Variants in KIF20B observed in about 807,000 individuals in gnomAD.
The protein encoded by KIF20B is kinesin family member 20B, also known as kinesin-like protein KIF20B.
In KIF20B, 188 loss-of-function variants were observed where a neutral mutation model predicts 232.5. The ratio of observed to expected loss-of-function variants is 0.81; its 90% confidence interval spans 0.72 to 0.91. The LOEUF (loss-of-function observed/expected upper bound fraction) is 0.91. Ranked by LOEUF, KIF20B falls within the 40% of genes least tolerant of loss-of-function variation. KIF20B has a pLI of 0.00. For missense variants in KIF20B, 2,154 were observed against 2,055.9 expected (o/e 1.05, Z -0.92); for synonymous variants, 712 against 683.0 (o/e 1.04, Z -0.66).
rs759563026 is a variant in KIF20B, at chr10:89,724,001, T to G, written c.1760T>G (p.Leu587Arg). Residue 587 changes from leucine (L) to arginine (R), a missense_variant, in exon 14 of 33, where the codon CTG becomes CGG. Coordinates refer to ENST00000371728, the MANE Select transcript of KIF20B (RefSeq NM_001284259.2). ...TTAATAGAAGACTTGAAAAAAAAAC[T>G]GATAAATGAAAAAAAGGAAAAATTA... ...LDLIEDLKKKLINEKKEKLTL... is the reference protein window; with the variant it reads ...LDLIEDLKKKRINEKKEKLTL... The G allele has an allele frequency of 1.1e-5, 17 of 1,575,902 alleles. No homozygotes were observed. The highest frequency in any genetic ancestry group is 2.0e-5 in the Admixed American group (1 of 51,194).
chr10:89,713,632 T>C (rs1842878262), intron 6 of KIF20B, among the ~76,000 whole-genome samples: 1 of 152,150 alleles, frequency 6.6e-6, no homozygotes, highest in Admixed American at 6.5e-5. Flanking sequence ...GAAGAAAATA[T>C]GTAAAGATGT....
intron 26 of KIF20B, among the ~76,000 whole-genome samples, chr10:89,756,985 A>G (rs566801157): frequency 1.5e-4 from 23 of 149,466 alleles, no homozygotes; most frequent in African/African-American, 5.4e-4. Context: ...AAACATTTTT[A>G]TACATTTGTT....
chr10:89,714,207 G>GC, intron 7 of KIF20B, 124 bp downstream of exon 7: 1 of 423,378 alleles, frequency 2.4e-6, no homozygotes, highest in East Asian at 4.3e-5. Context: ...TAGGCTGGGC[G>GC]CGGTGGCTCA....
At position 89,738,572 on chromosome 10, in the gene KIF20B, A is replaced by C. The variant is rs373556748; in HGVS notation, c.3731A>C (p.Gln1244Pro). ...NNLQDMKHLL[Q>P]LKEEEEETNR... is the part of the protein sequence containing the mutation. ...TTGCAAGATATGAAACATTTACTTC[A>C]ATTAAAAGAAGAAGAAGAAGAAACC... is the stretch of plus-strand genomic sequence containing the variant. Residue 1244 changes from glutamine (Q) to proline (P), a missense_variant, in exon 20 of 33, where the codon CAA becomes CCA. Gln to Pro is a moderately conservative substitution (Grantham distance 76, BLOSUM62 -1). Transcript: ENST00000371728. 29 of 1,565,436 alleles carry C rather than the reference A, an allele frequency of 1.9e-5. No homozygotes were observed. The highest frequency in any genetic ancestry group is 2.3e-5 in the Non-Finnish European group (27 of 1,160,894).
rs1468125976 is a variant in KIF20B at position 89,710,043 on chromosome 10, A to G, written c.468A>G (p.Ser156=). 6.8e-6 allele frequency: 11 copies of G among 1,607,628 alleles called. No homozygotes were observed. The highest frequency in any genetic ancestry group is 6.7e-5 in the East Asian group (3 of 44,696). Residue 156 remains serine, a synonymous_variant, in exon 5 of 33, where the codon TCA becomes TCG. Transcript: ENST00000371728. ...RLIFTYGLTN[S]GKTYTFQGTE... ...TTTTTACTTACGGGCTAACCAATTCAGGAAAAACATATACATTTCAAGGTA... is the reference window on the plus strand; with the variant it reads ...TTTTTACTTACGGGCTAACCAATTCGGGAAAAACATATACATTTCAAGGTA...
chr10:89,739,660 C>T (rs921798561), intron 21 of KIF20B, among the ~76,000 whole-genome samples: 1 of 139,738 alleles, frequency 7.2e-6, no homozygotes. Flanking sequence ...GATTGGAGCA[C>T]TTTTTTTTTT....
At chr10:89,766,862 ATTT>A (rs1380224899) in intron 29 of KIF20B, among the ~76,000 whole-genome samples, 1 of 151,674 alleles carries the variant, frequency 6.6e-6, no homozygotes, top group Non-Finnish European at 1.5e-5. Flanking sequence ...TATTTATTTA[ATTT>A]TTTAAAATAA....
In KIF20B at chr10:89,726,334, T is replaced by C; in HGVS notation, c.2043T>C (p.Ser681=). Reference sequence around the variant, plus strand: ...TAGGATTTGAAGATATTATTGATTCTCTTCAAGATAATGTTGCTGATATTA... The same window carrying C: ...TAGGATTTGAAGATATTATTGATTCCCTTCAAGATAATGTTGCTGATATTA... ...NYVGFEDIID[S]LQDNVADIKK... is the part of the protein sequence containing the mutation. The change falls in exon 16 of 33, where the codon TCT becomes TCC. Residue 681 remains serine (S), a synonymous_variant. Coordinates refer to ENST00000371728, the MANE Select transcript of KIF20B (RefSeq NM_001284259.2). 6.4e-7 allele frequency: 1 copy of C among 1,550,832 alleles called. No individual in the cohort carries two copies. Among genetic ancestry groups the C allele is most frequent in the Non-Finnish European group, 8.7e-7 (1 of 1,146,768 alleles).
chr10:89,727,064 G>A (rs923812187), intron 16 of KIF20B, among the ~76,000 whole-genome samples: 3 of 151,656 alleles, frequency 2.0e-5, no homozygotes, highest in Non-Finnish European at 2.9e-5. Context: ...TGCCTGCCTC[G>A]GCCTCCCAAA....
chr10:89,771,096 C>T (rs1182226128), intron 31 of KIF20B, among the ~76,000 whole-genome samples: 1 of 151,774 alleles, frequency 6.6e-6, no homozygotes, highest in Non-Finnish European at 1.5e-5. Flanking sequence ...TGGAACACAC[C>T]CTGGCTTTTG....
intron 31 of KIF20B, among the ~76,000 whole-genome samples, chr10:89,770,804 C>T (rs1437443850): frequency 6.6e-6 from 1 of 152,072 alleles, no homozygotes; most frequent in East Asian, 1.9e-4. Flanking sequence ...TCACTGGTCT[C>T]CCAGCTTGCC....
intron 24 of KIF20B, among the ~76,000 whole-genome samples, chr10:89,751,977 G>C (rs761936796): frequency 6.6e-6 from 1 of 151,904 alleles, no homozygotes; most frequent in Non-Finnish European, 1.5e-5. Context: ...ATATAACCTT[G>C]GCAGGGTACT....
At chr10:89,769,000 G>A in intron 31 of KIF20B, 112 bp downstream of exon 31, 1 of 856,302 alleles carries the variant, frequency 1.2e-6, no homozygotes, top group Non-Finnish European at 1.8e-6. Flanking sequence ...ACTTCAAATA[G>A]GCATTGTCCT....
chr10:89,713,919 A>G (rs890185690), intron 6 of KIF20B, 128 bp from the exon 7 acceptor site: 2 of 389,272 alleles, frequency 5.1e-6, no homozygotes, highest in South Asian at 1.3e-4. Context: ...AAATTAAAGA[A>G]TTCATTGAAT....
chr10:89,765,282 G>C (rs1376135589), intron 29 of KIF20B, among the ~76,000 whole-genome samples: 1 of 151,944 alleles, frequency 6.6e-6, no homozygotes, highest in Non-Finnish European at 1.5e-5. Flanking sequence ...ACTCCCATTC[G>C]CAATTGCTTC....
At chr10:89,725,349 G>T (rs917622691) in intron 15 of KIF20B, among the ~76,000 whole-genome samples, 191 bp downstream of exon 15, 1 of 149,264 alleles carries the variant, frequency 6.7e-6, no homozygotes, top group African/African-American at 2.4e-5. Context: ...GATTGGTTTT[G>T]AAAAATTTAT....
At chr10:89,763,886 TTTTA>T (rs201499620) in intron 29 of KIF20B, among the ~76,000 whole-genome samples, 28,929 of 146,734 alleles carry the variant, frequency 0.2, 3,825 homozygotes, top group East Asian at 0.61. Flanking sequence ...ATTTATATAT[TTTTA>T]TTTATTTATT....
At chr10:89,767,055 A>G (rs1842376931) in intron 29 of KIF20B, among the ~76,000 whole-genome samples, 1 of 152,052 alleles carries the variant, frequency 6.6e-6, no homozygotes, top group South Asian at 2.1e-4. Flanking sequence ...TGTTGTAGAT[A>G]CATCATGTAG....
rs1457068575 is a variant in KIF20B at position 89,737,446 on chromosome 10, C to G, written c.2605C>G (p.Pro869Ala). 6.2e-7 allele frequency: 1 copy of G among 1,604,700 alleles called. No homozygotes were observed. The highest frequency in any genetic ancestry group is 8.5e-7 in the Non-Finnish European group (1 of 1,177,540). ...CCAAAAGAAAAGTGAAGAAGTGCGACCGAACATTGCAGAAATTGAAGACAT... is the reference window on the plus strand; with the variant it reads ...CCAAAAGAAAAGTGAAGAAGTGCGAGCGAACATTGCAGAAATTGAAGACAT... Reference protein sequence around the residue: ...EDQKKSEEVRPNIAEIEDIRV... With the variant: ...EDQKKSEEVRANIAEIEDIRV... Residue 869 changes from proline to alanine, a missense_variant, in exon 20 of 33, where the codon CCG becomes GCG. By Grantham distance (27) the Pro-to-Ala change is conservative. Transcript: ENST00000371728.
Sources: allele counts gnomAD v4.1 joint callset (sites outside exome capture counted in the v4.1 genomes callset), GRCh38; gene constraint gnomAD v4.1.1; transcripts MANE v1.5; gene names NCBI Gene and HGNC (gene_info 2026-07-23, HGNC 2026-07-21).